Variants in SFTPB observed in about 807,000 individuals in gnomAD.
SFTPB encodes surfactant protein B.
Under a neutral mutation model 51.0 loss-of-function variants are expected in SFTPB, and 32 were observed. The observed-to-expected ratio is 0.63, with a 90% confidence interval of 0.47 to 0.84. The LOEUF (loss-of-function observed/expected upper bound fraction) is 0.84, where lower values mean the gene tolerates loss of function less well. Ranked by LOEUF, SFTPB falls within the 40% of genes least tolerant of loss-of-function variation. The pLI, the probability that SFTPB is intolerant of heterozygous loss-of-function variation, is 0.00. For synonymous variants in SFTPB, 211 were observed against 208.5 expected (o/e 1.01, Z -0.10); for missense variants, 431 against 491.2 (o/e 0.88, Z 1.16).
Position 85,663,855 on chromosome 2 carries a change from G to A in SFTPB, c.673-8C>T, listed in dbSNP as rs987518026. ...TGCCACAGCTAGCGCACCCTGGGGC[G>A]GGGGCGGAGAGAGGCCAGCATGGGA... is the stretch of plus-strand genomic sequence containing the variant. On this transcript the variant is annotated splice_region_variant and splice_polypyrimidine_tract_variant and intron_variant, in intron 6 of 10. Coordinates refer to ENST00000519937, the MANE Select transcript of SFTPB (RefSeq NM_000542.5). 7.0e-6 allele frequency: 11 copies of A among 1,575,660 alleles called. No homozygotes were observed. Among genetic ancestry groups the A allele is most frequent in the African/African-American group, 4.0e-5 (3 of 74,256 alleles).
At chr2:85,660,600 CCACCATG>C (rs1193937748) in intron 10 of SFTPB, among the ~76,000 whole-genome samples, 1 of 151,888 alleles carries the variant, frequency 6.6e-6, no homozygotes, top group African/African-American at 2.4e-5. Context: ...CAGGCACCTG[CCACCATG>C]CTCAGCTAAT....
At chr2:85,666,873 G>A (rs1381969763) in intron 3 of SFTPB, 131 bp from the exon 4 acceptor site, 12 of 1,258,938 alleles carry the variant, frequency 9.5e-6, no homozygotes, top group African/African-American at 2.9e-5. Context: ...GAGTGCCAAG[G>A]AGTTAAGTAG....
At chr2:85,660,939 G>A (rs1344994280) in intron 10 of SFTPB, among the ~76,000 whole-genome samples, 1 of 152,120 alleles carries the variant, frequency 6.6e-6, no homozygotes, top group East Asian at 1.9e-4. Flanking sequence ...GCTGCATCTG[G>A]CCTCGCCTCC....
At position 85,667,096 on chromosome 2, in the gene SFTPB, G is replaced by A. The variant is rs754271622; in HGVS notation, c.267+10C>T. 9.4e-6 allele frequency: 15 copies of A among 1,601,160 alleles called. No homozygotes were observed. The highest frequency in any genetic ancestry group is 1.2e-5 in the Non-Finnish European group (14 of 1,168,238). The stretch of plus-strand genomic sequence containing the variant: ...GCCCCAACCTTCATCCAGGATCTGG[G>A]CATCATTACCTGGAAAATGGCCTCC... On this transcript the variant is annotated intron_variant, in intron 3 of 10. Transcript: ENST00000519937.
rs762548 is a variant in SFTPB, at chr2:85,663,630, A to G, written c.856+34T>C. The G allele has an allele frequency of 0.092, 147,467 of 1,599,202 alleles. 8,958 individuals carry two copies. The highest frequency in any genetic ancestry group is 0.25 in the African/African-American group (18,503 of 74,744). Reference sequence around the variant, plus strand: ...GGCAGGGTAGGGGGAGGAGGAGAGCAGGCATTGGGCTAAGGAGTGGGCAGT... The same window carrying G: ...GGCAGGGTAGGGGGAGGAGGAGAGCGGGCATTGGGCTAAGGAGTGGGCAGT... On this transcript the variant is annotated intron_variant, in intron 7 of 10. Coordinates refer to ENST00000519937, the MANE Select transcript of SFTPB (RefSeq NM_000542.5).
intron 4 of SFTPB, 137 bp downstream of exon 4, chr2:85,666,480 G>A: frequency 3.7e-6 from 3 of 814,068 alleles, no homozygotes; most frequent in South Asian, 3.3e-5. Context: ...TTTGTGTCTG[G>A]CCGGCTTGGG....
At chr2:85,660,044 TTGGC>T (rs1051290339) in intron 10 of SFTPB, among the ~76,000 whole-genome samples, 3 of 152,006 alleles carry the variant, frequency 2.0e-5, no homozygotes, top group Non-Finnish European at 4.4e-5. Context: ...AGAAGTGGAC[TTGGC>T]TGTGAGCTCC....
chr2:85,668,395 C>A, upstream of SFTPB: 1 of 608,436 alleles, frequency 1.6e-6, no homozygotes, highest in Non-Finnish European at 3.0e-6. Context: ...TCCTTTGCCC[C>A]CTGCCCAGAC....
rs1677641309 is a variant in SFTPB at position 85,666,505 on chromosome 2, G to GTT, written c.393+111_393+112insAA. On this transcript the variant is annotated intron_variant, in intron 4 of 10. Coordinates refer to ENST00000519937, the MANE Select transcript of SFTPB (RefSeq NM_000542.5). The stretch of plus-strand genomic sequence containing the variant: ...GCCGGCTTGGGTGCTGTGTGTGTGT[G>GTT]TGTGTGTGTGTGTGTGTCTGGCTGG... 4.6e-6 allele frequency: 5 copies of GTT among 1,079,688 alleles called. No individual in the cohort carries two copies. In the South Asian group the frequency reaches 6.8e-5, roughly 15 times the overall value. 66.9% of individuals were successfully genotyped at this position (1,079,688 alleles called of 1,614,324 possible).
intron 8 of SFTPB, 145 bp downstream of exon 8, chr2:85,663,201 A>G: frequency 8.6e-7 from 1 of 1,160,456 alleles, no homozygotes; most frequent in Non-Finnish European, 1.3e-6. Context: ...TTACAGTCCC[A>G]CCATTGTCTG....
chr2:85,667,272 A>ACT, intron 2 of SFTPB, 95 bp from the exon 3 acceptor site: 1 of 900,918 alleles, frequency 1.1e-6, no homozygotes, highest in Non-Finnish European at 1.9e-6. Flanking sequence ...CCAACAGAGC[A>ACT]CTCCAAGGCA....
In SFTPB at chr2:85,663,409, G is replaced by A. The variant is rs529085827; in HGVS notation, c.939C>T (p.Ser313=). 25 of 1,613,768 alleles carry A rather than the reference G, an allele frequency of 1.5e-5. No individual in the cohort carries two copies. The highest frequency in any genetic ancestry group is 4.5e-5 in the East Asian group (2 of 44,888). Residue 313 remains serine, a synonymous_variant, in exon 8 of 11, where the codon AGC becomes AGT. Transcript: ENST00000519937. ...MSVTTQAGNS[S]EQAIPQAMLQ... ...GCATTGCCTGTGGTATGGCCTGCTC[G>A]CTGCTGTTCCCGGCCTGGGTGGTCA...
intron 9 of SFTPB, 109 bp downstream of exon 9, chr2:85,661,920 G>T: frequency 1.9e-6 from 2 of 1,066,280 alleles, no homozygotes; most frequent in Non-Finnish European, 2.8e-6. Flanking sequence ...GTGCACCTGG[G>T]ACCACCTTGG....
chr2:85,661,431 C>T (rs369092640), intron 10 of SFTPB, 23 bp downstream of exon 10: 32 of 1,560,022 alleles, frequency 2.1e-5, no homozygotes, highest in South Asian at 1.6e-4. Flanking sequence ...CTTACCTCCC[C>T]GCAACTGGGG....
upstream of SFTPB, chr2:85,668,249 G>T (rs1017736853): frequency 1.8e-5 from 26 of 1,468,010 alleles, no homozygotes; most frequent in Admixed American, 3.9e-4. Context: ...GGGCGTGGGG[G>T]CTCTGTAGGA....
intron 3 of SFTPB, 93 bp from the exon 4 acceptor site, chr2:85,666,835 C>G (rs1677674661): frequency 8.4e-6 from 13 of 1,540,910 alleles, no homozygotes; most frequent in Non-Finnish European, 1.1e-5. Flanking sequence ...CAGACTGACC[C>G]CTAATCCCCC....
intron 6 of SFTPB, 143 bp downstream of exon 6, chr2:85,665,146 A>G (rs1318051310): frequency 2.7e-6 from 2 of 754,622 alleles, no homozygotes; most frequent in Admixed American, 3.5e-5. Flanking sequence ...GGTGGGGGCA[A>G]TGCACAAGCG....
At position 85,665,700 on chromosome 2, in the gene SFTPB, G is replaced by T. The variant is rs770903531; in HGVS notation, c.488C>A (p.Pro163His). Residue 163 changes from proline to histidine, a missense_variant, in exon 5 of 11, where the codon CCT becomes CAT. Physicochemically the swap from Pro to His is moderately conservative, Grantham distance 77 (BLOSUM62 -2). Transcript: ENST00000519937. ...EPGMSDPLPK[P>H]LRDPLPDPLL... The stretch of plus-strand genomic sequence containing the variant: ...AGGGTCTGGCAGAGGGTCCCGCAGA[G>T]GTTTGGGCAGGGGGTCTGACATCCC... The T allele has an allele frequency of 1.2e-6, 2 of 1,614,248 alleles. No individual in the cohort carries two copies. Among genetic ancestry groups the T allele is most frequent in the Admixed American group, 3.3e-5 (2 of 60,036 alleles).
Position 85,662,055 on chromosome 2 carries a change from C to A in SFTPB, c.1057G>T (p.Gly353Cys). ...TPQLLTLVPR[G>C]WDAHTTCQAL... ...TGGCAGGTGGTGTGGGCATCCCAGC[C>A]CCTGGGCACCAGGGTCAGCAGCTGG... The change falls in exon 9 of 11, where the codon GGC (glycine) becomes TGC (cysteine). Residue 353 changes from glycine (G) to cysteine (C), a missense_variant. Transcript: ENST00000519937. 1 of 1,602,164 alleles carries A rather than the reference C, an allele frequency of 6.2e-7. No homozygotes were observed. Among genetic ancestry groups the A allele is most frequent in the Non-Finnish European group, 8.5e-7 (1 of 1,175,926 alleles).
Sources: gnomAD v4.1 joint callset for allele counts (sites outside exome capture counted in the v4.1 genomes callset) on GRCh38, gnomAD v4.1.1 for gene constraint, MANE v1.5 for transcripts, NCBI Gene and HGNC (gene_info 2026-07-23, HGNC 2026-07-21) for gene names.